DLG2: variants seen among roughly 807,000 people sequenced by gnomAD.
DLG2 encodes discs large MAGUK scaffold protein 2.
Under a neutral mutation model 132.5 loss-of-function variants are expected in DLG2, and 45 were observed. The observed-to-expected ratio is 0.34, with a 90% CI of 0.27 to 0.44. DLG2 has a LOEUF of 0.44. DLG2 is among the 20% of genes least tolerant of loss of function. DLG2 has a pLI of 1.00. For missense variants in DLG2, 1,045 were observed against 1,196.9 expected (o/e 0.87, Z 1.87); for synonymous variants, 424 against 419.6 (o/e 1.01, Z -0.13).
At chr11:85,501,236 AC>A (rs1276139208) in intron 3 of DLG2, among the ~76,000 whole-genome samples, 2 of 152,142 alleles carry the variant, frequency 1.3e-5, no homozygotes, top group Non-Finnish European at 2.9e-5. Flanking sequence ...CTGAAACTGG[AC>A]CCCTTCCTTA....
chr11:85,591,060 GTAA>G (rs2079296920), intron 3 of DLG2, among the ~76,000 whole-genome samples: 2 of 152,082 alleles, frequency 1.3e-5, no homozygotes, highest in Admixed American at 6.6e-5. Flanking sequence ...AAATCTTGCA[GTAA>G]ATATAAAAGT....
intron 18 of DLG2, among the ~76,000 whole-genome samples, chr11:83,637,733 T>C (rs1174094822): frequency 6.6e-6 from 1 of 152,170 alleles, no homozygotes; most frequent in Non-Finnish European, 1.5e-5. Context: ...TCCCTTCATC[T>C]ATTGTGTTAG....
intron 6 of DLG2, among the ~76,000 whole-genome samples, chr11:84,758,417 G>A (rs527774727): frequency 6.6e-6 from 1 of 152,210 alleles, no homozygotes; most frequent in South Asian, 2.1e-4. Context: ...AATAATCCTG[G>A]CATCATTTAA....
At chr11:84,452,827 G>T (rs2099055367) in intron 7 of DLG2, among the ~76,000 whole-genome samples, 1 of 151,574 alleles carries the variant, frequency 6.6e-6, no homozygotes, top group South Asian at 2.1e-4. Flanking sequence ...TCAGGTTGGG[G>T]CATGAGCTCA....
intron 16 of DLG2, among the ~76,000 whole-genome samples, chr11:83,848,485 T>C (rs1478511709): frequency 7.2e-5 from 11 of 152,192 alleles, no homozygotes; most frequent in African/African-American, 2.7e-4. Flanking sequence ...CTCCCTTTTG[T>C]TCCTTATCTG....
chr11:84,405,183 G>A (rs569104977), intron 7 of DLG2, among the ~76,000 whole-genome samples: 13 of 152,294 alleles, frequency 8.5e-5, no homozygotes, highest in African/African-American at 2.6e-4. Flanking sequence ...TACAAAAAGA[G>A]ATCAAAATAT....
intron 7 of DLG2, among the ~76,000 whole-genome samples, chr11:84,376,368 A>C (rs897650951): frequency 1.1e-4 from 16 of 151,982 alleles, no homozygotes; most frequent in Non-Finnish European, 2.1e-4. Flanking sequence ...ATTAAAAATA[A>C]ATTTTAGGAA....
chr11:84,189,888 G>C (rs564607367), intron 8 of DLG2, among the ~76,000 whole-genome samples: 1 of 151,966 alleles, frequency 6.6e-6, no homozygotes, highest in African/African-American at 2.4e-5. Flanking sequence ...TTAATACCTA[G>C]GTGATGGGAT....
intron 18 of DLG2, among the ~76,000 whole-genome samples, chr11:83,688,720 G>A (rs2080291238): frequency 6.6e-6 from 1 of 152,186 alleles, no homozygotes; most frequent in Non-Finnish European, 1.5e-5. Context: ...GTATGATTGT[G>A]TGTACCTTCT....
chr11:84,999,114 A>G (rs560515827), intron 6 of DLG2, among the ~76,000 whole-genome samples: 1 of 152,042 alleles, frequency 6.6e-6, no homozygotes, highest in African/African-American at 2.4e-5. Context: ...GGGGAGAATG[A>G]TTGGCTCAGA....
chr11:84,379,091 T>G (rs2098740498), intron 7 of DLG2, among the ~76,000 whole-genome samples: 1 of 151,424 alleles, frequency 6.6e-6, no homozygotes, highest in African/African-American at 2.4e-5. Context: ...TCTCAAAGAA[T>G]TCCCATAGAT....
chr11:83,710,711 A>T (rs1046506435), intron 18 of DLG2, among the ~76,000 whole-genome samples: 2 of 152,324 alleles, frequency 1.3e-5, no homozygotes, highest in African/African-American at 4.8e-5. Flanking sequence ...GACATGAGAG[A>T]CATTTAGGGT....
chr11:83,868,833 T>C (rs992919323), intron 16 of DLG2, among the ~76,000 whole-genome samples: 1 of 152,160 alleles, frequency 6.6e-6, no homozygotes, highest in South Asian at 2.1e-4. Context: ...CTTTTGAAGG[T>C]CAGGGTGTGC....
chr11:83,789,640 T>C (rs550011853), intron 17 of DLG2, among the ~76,000 whole-genome samples: 14 of 151,964 alleles, frequency 9.2e-5, no homozygotes, highest in South Asian at 2.1e-4. Context: ...CTCCGCCTCC[T>C]GGGTTCAAGC....
intron 6 of DLG2, among the ~76,000 whole-genome samples, chr11:84,619,557 A>C (rs902658789): frequency 3.3e-5 from 5 of 151,686 alleles, no homozygotes; most frequent in African/African-American, 9.6e-5. Context: ...AAATGACAAC[A>C]CTAGGGATAC....
intron 9 of DLG2, among the ~76,000 whole-genome samples, chr11:84,129,159 C>T (rs887119296): frequency 5.3e-5 from 8 of 152,122 alleles, no homozygotes; most frequent in East Asian, 1.9e-4. Context: ...TACAACAGAA[C>T]GTCCTTCAGG....
At chr11:84,741,317 G>A (rs984790711) in intron 6 of DLG2, among the ~76,000 whole-genome samples, 3 of 151,912 alleles carry the variant, frequency 2.0e-5, no homozygotes, top group Admixed American at 6.6e-5. Context: ...GCCTCCCAAA[G>A]TGCTGGGATT....
intron 7 of DLG2, among the ~76,000 whole-genome samples, chr11:84,481,435 G>A (rs2099137403): frequency 6.6e-6 from 1 of 152,040 alleles, no homozygotes; most frequent in Non-Finnish European, 1.5e-5. Flanking sequence ...CTCTTGTCTT[G>A]CTTGGCCTTA....
At chr11:84,571,759 A>G (rs2099485634) in intron 6 of DLG2, among the ~76,000 whole-genome samples, 1 of 152,154 alleles carries the variant, frequency 6.6e-6, no homozygotes, top group South Asian at 2.1e-4. Flanking sequence ...TATGAGATGG[A>G]TGGAAAGTTT....
Sources: allele counts gnomAD v4.1 joint callset (sites outside exome capture counted in the v4.1 genomes callset), GRCh38; gene constraint gnomAD v4.1.1; transcripts MANE v1.5; gene names NCBI Gene and HGNC (gene_info 2026-07-23, HGNC 2026-07-21).